Variants in PTPRG observed in about 807,000 individuals in gnomAD.
PTPRG encodes protein tyrosine phosphatase receptor type G.
PTPRG carries 102 observed loss-of-function variants against 165.3 expected under a neutral mutation model. The ratio of observed to expected loss-of-function variants is 0.62; its 90% CI spans 0.53 to 0.73. PTPRG has a LOEUF of 0.73. PTPRG is among the 30% of genes least tolerant of loss of function. The probability of loss-of-function intolerance (pLI) is 0.00; values close to 1 mark genes in which losing one functional copy is unlikely to be tolerated. For missense variants in PTPRG, 1,866 were observed against 1,861.4 expected (o/e 1.00, Z -0.05); for synonymous variants, 675 against 669.5 (o/e 1.01, Z -0.13).
chr3:61,675,152 A>T (rs1209096979), intron 1 of PTPRG, among the ~76,000 whole-genome samples: 2 of 152,198 alleles, frequency 1.3e-5, no homozygotes, highest in African/African-American at 4.8e-5. Flanking sequence ...TTGGCATATG[A>T]TGTATAGCAA....
At chr3:61,670,712 G>A (rs530758846) in intron 1 of PTPRG, among the ~76,000 whole-genome samples, 25 of 152,264 alleles carry the variant, frequency 1.6e-4, no homozygotes, top group African/African-American at 3.9e-4. Context: ...CTGAGCCTCC[G>A]GTTGTAGGTA....
In PTPRG at chr3:62,281,967, G is replaced by T. The variant is rs1342646125; in HGVS notation, c.3912+258G>T. Among the ~76,000 whole-genome samples, 4 of 151,802 alleles carry T rather than the reference G, an allele frequency of 2.6e-5. No homozygotes were observed. The East Asian group carries it at 7.8e-4, about 29-fold the overall frequency. ...ACCTAATTATAAAAACAATATACTA[G>T]AACTCAATATTTTCTTTGCCATCAG... is the stretch of plus-strand genomic sequence containing the variant. On this transcript the variant is annotated intron_variant, in intron 27 of 29. Transcript: ENST00000474889.
At position 62,237,602 on chromosome 3, in the gene PTPRG, A is replaced by G. The variant is rs889110436; in HGVS notation, c.2376-6205A>G. On this transcript the variant is annotated intron_variant, in intron 14 of 29. Transcript: ENST00000474889. The surrounding 1 kb of genome is among the most constrained non-coding windows in gnomAD (Gnocchi z 4.5). Reference sequence around the variant, plus strand: ...CCAAGAGTAGACTTTATTTTTAAAGAGGTCTTTATCCTTAAAATATCTCCC... The same window carrying G: ...CCAAGAGTAGACTTTATTTTTAAAGGGGTCTTTATCCTTAAAATATCTCCC... Among the ~76,000 whole-genome samples the G allele has an allele frequency of 6.6e-6, 1 of 152,244 alleles. No individual in the cohort carries two copies.
At chr3:61,742,599 A>G in intron 1 of PTPRG, 3 of 1,600,298 alleles carry the variant, frequency 1.9e-6, no homozygotes, top group Non-Finnish European at 2.5e-6. Flanking sequence ...TCTTCACGTG[A>G]CCAACAGCTA....
chr3:62,066,782 G>A (rs1701027015), intron 4 of PTPRG, among the ~76,000 whole-genome samples: 1 of 152,202 alleles, frequency 6.6e-6, no homozygotes, highest in African/African-American at 2.4e-5. Context: ...GCTCATGCCT[G>A]TAATCCCAGC....
At chr3:61,600,217 T>TGTGTGTGTGTGTGTGTGTGA (rs71629134) in intron 1 of PTPRG, among the ~76,000 whole-genome samples, 1 of 147,962 alleles carries the variant, frequency 6.8e-6, no homozygotes, top group Non-Finnish European at 1.5e-5. Context: ...TGTGTGTGTG[T>TGTGTGTGTGTGTGTGTGTGA]AAAATAGAAT....
chr3:61,664,886 G>GAGT (rs562299874), intron 1 of PTPRG, among the ~76,000 whole-genome samples: 4 of 152,230 alleles, frequency 2.6e-5, no homozygotes, highest in African/African-American at 9.6e-5. Context: ...GGAAGATATT[G>GAGT]AGTAGTAGGA....
chr3:61,972,599 T>A (rs1230419803), intron 2 of PTPRG, among the ~76,000 whole-genome samples: 2 of 151,912 alleles, frequency 1.3e-5, no homozygotes, highest in Admixed American at 1.3e-4. Context: ...AAGGAGTAGT[T>A]TCTGGATCTC....
intron 1 of PTPRG, among the ~76,000 whole-genome samples, chr3:61,649,197 C>A (rs1379737168): frequency 8.7e-6 from 1 of 115,452 alleles, no homozygotes; most frequent in East Asian, 2.8e-4. Context: ...TTTCTATTTT[C>A]TTTTAAGAGA....
intron 2 of PTPRG, among the ~76,000 whole-genome samples, chr3:61,935,134 T>TA (rs1320571017): frequency 6.6e-6 from 1 of 152,164 alleles, no homozygotes; most frequent in Non-Finnish European, 1.5e-5. Flanking sequence ...CGCCTCTCCC[T>TA]ACACCAGGCC....
chr3:61,975,479 T>C (rs182821230), intron 2 of PTPRG, among the ~76,000 whole-genome samples: 12 of 152,304 alleles, frequency 7.9e-5, no homozygotes, highest in East Asian at 7.7e-4. Flanking sequence ...GAAATATGTT[T>C]TATTTCTAAT....
chr3:61,873,479 A>C (rs965729908), intron 2 of PTPRG, among the ~76,000 whole-genome samples: 2 of 152,222 alleles, frequency 1.3e-5, no homozygotes, highest in Non-Finnish European at 2.9e-5. Flanking sequence ...TATTTTAACT[A>C]TAGTAGTGAC....
chr3:62,163,589 T>C (rs538334281), intron 7 of PTPRG, among the ~76,000 whole-genome samples: 2 of 152,272 alleles, frequency 1.3e-5, no homozygotes, highest in East Asian at 3.9e-4. Flanking sequence ...TTGATAAATA[T>C]AAGGGGGATA....
chr3:62,196,963 A>G (rs537979551), intron 10 of PTPRG, among the ~76,000 whole-genome samples: 1 of 152,346 alleles, frequency 6.6e-6, no homozygotes, highest in South Asian at 2.1e-4. Context: ...GGCCCCTCCC[A>G]GACCAACTGC....
intron 12 of PTPRG, among the ~76,000 whole-genome samples, chr3:62,211,486 A>G (rs923420806): frequency 3.3e-5 from 5 of 152,240 alleles, no homozygotes; most frequent in African/African-American, 1.2e-4. Context: ...GAAATGGTTA[A>G]GATGGTAAAT....
chr3:62,276,758 C>T, intron 24 of PTPRG: 1 of 534,782 alleles, frequency 1.9e-6, no homozygotes, highest in Non-Finnish European at 3.3e-6. Context: ...AACTGTATTC[C>T]TACAATGCCT....
Position 62,195,197 on chromosome 3 carries a change from C to A in PTPRG, c.1327+27C>A. On this transcript the variant is annotated intron_variant, in intron 10 of 29. Coordinates refer to ENST00000474889, the MANE Select transcript of PTPRG (RefSeq NM_002841.4). The surrounding 1 kb of genome is among the most constrained non-coding windows in gnomAD (Gnocchi z 4.4). Reference sequence around the variant, plus strand: ...TGAGGCTGGCTTCCCCTCCTGTGGCCGGGGTGCCCCTGAGACTCCCTCCCA... The same window carrying A: ...TGAGGCTGGCTTCCCCTCCTGTGGCAGGGGTGCCCCTGAGACTCCCTCCCA... The A allele has an allele frequency of 4.4e-6, 7 of 1,595,008 alleles. No homozygotes were observed. The highest frequency in any genetic ancestry group is 5.2e-6 in the Non-Finnish European group (6 of 1,162,638).
intron 2 of PTPRG, among the ~76,000 whole-genome samples, chr3:61,844,601 G>A (rs1171484044): frequency 7.4e-6 from 1 of 135,956 alleles, no homozygotes; most frequent in African/African-American, 3.0e-5. Context: ...TTGAACTCAT[G>A]GGCTCAAGTA....
chr3:61,580,296 C>CAA (rs1235058922), intron 1 of PTPRG, among the ~76,000 whole-genome samples: 1 of 151,884 alleles, frequency 6.6e-6, no homozygotes, highest in Non-Finnish European at 1.5e-5. Context: ...AATTAAAAAA[C>CAA]AAACAACAGT....
Sources: allele counts gnomAD v4.1 joint callset (sites outside exome capture counted in the v4.1 genomes callset), GRCh38; gene constraint gnomAD v4.1.1; non-coding constraint Gnocchi (gnomAD v3.1); transcripts MANE v1.5; gene names NCBI Gene and HGNC (gene_info 2026-07-23, HGNC 2026-07-21).